Variants in CAPZB observed in about 807,000 individuals in gnomAD.
The protein encoded by CAPZB is capping actin protein of muscle Z-line subunit beta, also known as F-actin-capping protein subunit beta.
Under a neutral mutation model 38.1 loss-of-function variants are expected in CAPZB, and 2 were observed. That is an observed-to-expected ratio of 0.05 (90% CI 0.02 to 0.17). CAPZB has a LOEUF of 0.17. Among genes scored for constraint, CAPZB ranks in the 10% least tolerant of loss-of-function variants. The pLI, the probability that CAPZB is intolerant of heterozygous loss-of-function variation, is 1.00. For synonymous variants in CAPZB, 107 were observed against 127.4 expected (o/e 0.84, Z 1.08); for missense variants, 161 against 334.2 (o/e 0.48, Z 4.04).
At chr1:19,368,228 G>A (rs2094100711) in intron 4 of CAPZB, among the ~76,000 whole-genome samples, 1 of 152,166 alleles carries the variant, frequency 6.6e-6, no homozygotes, top group African/African-American at 2.4e-5. Context: ...ATGCCAGGCT[G>A]CCTGGCCATC....
chr1:19,440,931 G>T (rs2094474087), intron 1 of CAPZB, among the ~76,000 whole-genome samples: 1 of 152,088 alleles, frequency 6.6e-6, no homozygotes, highest in South Asian at 2.1e-4. Context: ...GTGGTGGCGG[G>T]TGCCTGTGGT....
At chr1:19,451,045 G>A (rs2094514282) in intron 1 of CAPZB, among the ~76,000 whole-genome samples, 1 of 152,210 alleles carries the variant, frequency 6.6e-6, no homozygotes, top group Non-Finnish European at 1.5e-5. Flanking sequence ...TTATGGAATT[G>A]CAAACATTAT....
At chr1:19,386,822 G>T (rs536187724) in intron 2 of CAPZB, among the ~76,000 whole-genome samples, 1 of 152,320 alleles carries the variant, frequency 6.6e-6, no homozygotes, top group East Asian at 1.9e-4. Flanking sequence ...TTGGTGAGAT[G>T]ATCTGTTTCT....
At chr1:19,346,218 C>A (rs1288115308) in intron 6 of CAPZB, among the ~76,000 whole-genome samples, 1 of 151,770 alleles carries the variant, frequency 6.6e-6, no homozygotes, top group East Asian at 1.9e-4. Flanking sequence ...GCTACGATGA[C>A]TAATGTTGTT....
chr1:19,446,351 G>A (rs192006066), intron 1 of CAPZB, among the ~76,000 whole-genome samples: 14 of 152,280 alleles, frequency 9.2e-5, no homozygotes, highest in Admixed American at 5.2e-4. Context: ...AAAAGCCATC[G>A]GCAAAAGTTA....
intron 1 of CAPZB, among the ~76,000 whole-genome samples, chr1:19,457,878 T>C (rs1337995539): frequency 2.6e-5 from 4 of 151,784 alleles, no homozygotes; most frequent in Non-Finnish European, 5.9e-5. Context: ...CAACAACAAC[T>C]GGAAAAAACC....
chr1:19,352,751 T>C (rs1327017944), intron 6 of CAPZB, among the ~76,000 whole-genome samples: 1 of 152,270 alleles, frequency 6.6e-6, no homozygotes, highest in Non-Finnish European at 1.5e-5. Flanking sequence ...GTTTACCTTG[T>C]CTTCCAGTTG....
At chr1:19,418,135 C>CA in intron 2 of CAPZB, among the ~76,000 whole-genome samples, 1 of 34,114 alleles carries the variant, frequency 2.9e-5, no homozygotes, top group African/African-American at 2.1e-4. Context: ...GACTCTGTCA[C>CA]CAAAAAAAAA....
intron 2 of CAPZB, among the ~76,000 whole-genome samples, chr1:19,393,488 A>C (rs747500336): frequency 6.6e-6 from 1 of 152,230 alleles, no homozygotes; most frequent in Non-Finnish European, 1.5e-5. Context: ...GAGAAAACCC[A>C]GGCACGGGGA....
intron 1 of CAPZB, among the ~76,000 whole-genome samples, chr1:19,420,601 G>T (rs997687757): frequency 3.3e-5 from 5 of 151,372 alleles, no homozygotes; most frequent in African/African-American, 4.9e-5. Flanking sequence ...GTTTTTTTTG[G>T]GGGGGAGGGG....
chr1:19,478,925 C>T (rs1216172625), intron 1 of CAPZB, among the ~76,000 whole-genome samples: 2 of 152,168 alleles, frequency 1.3e-5, no homozygotes, highest in Non-Finnish European at 2.9e-5. Context: ...AAAACTAGCT[C>T]CTGGCCAAGT....
At chr1:19,358,033 C>T (rs750768690) in intron 4 of CAPZB, among the ~76,000 whole-genome samples, 3 of 152,234 alleles carry the variant, frequency 2.0e-5, no homozygotes, top group Non-Finnish European at 4.4e-5. Context: ...GACCAGGGCT[C>T]CAGTTGGTCT....
chr1:19,451,261 C>A (rs1368092033), intron 1 of CAPZB, among the ~76,000 whole-genome samples: 1 of 152,158 alleles, frequency 6.6e-6, no homozygotes, highest in Admixed American at 6.5e-5. Flanking sequence ...CCCAGGGGAA[C>A]CCACCATGGG....
intron 2 of CAPZB, among the ~76,000 whole-genome samples, chr1:19,392,174 C>G (rs969770543): frequency 2.9e-5 from 2 of 69,658 alleles, no homozygotes; most frequent in Non-Finnish European, 5.7e-5. Context: ...CACAGAGAGA[C>G]TCTGTCTCAA....
chr1:19,457,617 T>C (rs1437428416), intron 1 of CAPZB, among the ~76,000 whole-genome samples: 1 of 152,214 alleles, frequency 6.6e-6, no homozygotes, highest in Non-Finnish European at 1.5e-5. Flanking sequence ...GACGATGTAC[T>C]GCTGACTAAA....
intron 1 of CAPZB, among the ~76,000 whole-genome samples, chr1:19,463,122 C>T (rs1417602878): frequency 6.6e-6 from 1 of 152,198 alleles, no homozygotes; most frequent in Non-Finnish European, 1.5e-5. Flanking sequence ...GTTAGCCTTG[C>T]TTTATTATGC....
At chr1:19,415,830 C>T (rs1191336472) in intron 2 of CAPZB, among the ~76,000 whole-genome samples, 4 of 152,244 alleles carry the variant, frequency 2.6e-5, no homozygotes, top group African/African-American at 4.8e-5. Flanking sequence ...TGGGCCGCCG[C>T]GCCTGGCCAA....
intron 4 of CAPZB, among the ~76,000 whole-genome samples, chr1:19,358,144 T>C (rs892329751): frequency 5.3e-5 from 8 of 152,182 alleles, no homozygotes; most frequent in African/African-American, 1.9e-4. Flanking sequence ...CATCTTTTCT[T>C]TTTTTCTGTT....
chr1:19,475,438 G>A (rs1021020430), intron 1 of CAPZB, among the ~76,000 whole-genome samples: 15 of 152,224 alleles, frequency 9.9e-5, no homozygotes, highest in Admixed American at 6.5e-5. Context: ...TGTGCACAGC[G>A]TTCAGTAAAT....
Sources: allele counts gnomAD v4.1 joint callset (sites outside exome capture counted in the v4.1 genomes callset), GRCh38; gene constraint gnomAD v4.1.1; transcripts MANE v1.5; gene names NCBI Gene and HGNC (gene_info 2026-07-23, HGNC 2026-07-21).